Variants in NFIB observed in about 807,000 individuals in gnomAD.
NFIB encodes nuclear factor I B.
A neutral mutation model predicts 61.5 loss-of-function variants in NFIB; 11 were observed. The observed-to-expected ratio is 0.18, with a 90% CI of 0.11 to 0.30. The LOEUF is 0.30. Among genes scored for constraint, NFIB ranks in the 10% least tolerant of loss-of-function variants. The probability of loss-of-function intolerance (pLI) is 1.00; values close to 1 mark genes in which losing one functional copy is unlikely to be tolerated. For missense variants in NFIB, 471 were observed against 608.9 expected (o/e 0.77, Z 2.38); for synonymous variants, 260 against 216.5 (o/e 1.20, Z -1.76).
intron 2 of NFIB, among the ~76,000 whole-genome samples, chr9:14,202,661 C>G (rs189938487): frequency 6.6e-6 from 1 of 152,230 alleles, no homozygotes; most frequent in East Asian, 1.9e-4. Flanking sequence ...TTCTACGTTT[C>G]TTGTCTTTTA....
chr9:14,311,426 C>CT (rs1472731473), intron 1 of NFIB, among the ~76,000 whole-genome samples: 1 of 152,160 alleles, frequency 6.6e-6, no homozygotes, highest in Non-Finnish European at 1.5e-5. Flanking sequence ...TGCAAAGTCA[C>CT]ATGGAGCTTA....
At chr9:14,133,386 G>C (rs1285812816) in intron 6 of NFIB, among the ~76,000 whole-genome samples, 1 of 152,162 alleles carries the variant, frequency 6.6e-6, no homozygotes, top group African/African-American at 2.4e-5. Context: ...ATGTTGGGTG[G>C]AAGCTGGAAG....
At chr9:14,421,676 G>A in the NFIB span, among the ~76,000 whole-genome samples, 12 of 152,158 alleles carry the variant, frequency 7.9e-5, no homozygotes, top group African/African-American at 2.2e-4. Context: ...GATACATTTC[G>A]ACAAAGCAAA....
At chr9:14,529,892 T>C in the NFIB span, among the ~76,000 whole-genome samples, 127 of 152,306 alleles carry the variant, frequency 8.3e-4, 1 homozygote, top group Non-Finnish European at 4.3e-4. Context: ...CCACAATTTC[T>C]AAAAACGAAC....
chr9:14,369,129 T>G (rs2061331560), intron 1 of NFIB, among the ~76,000 whole-genome samples: 1 of 152,132 alleles, frequency 6.6e-6, no homozygotes, highest in South Asian at 2.1e-4. Context: ...GACCCCAGAA[T>G]AATGTCTGCC....
intron 1 of NFIB, among the ~76,000 whole-genome samples, chr9:14,322,762 C>G (rs2060693531): frequency 6.6e-6 from 1 of 151,890 alleles, no homozygotes; most frequent in Non-Finnish European, 1.5e-5. Context: ...CGGCCTGCGC[C>G]GCGCGGCGCC....
chr9:14,213,626 G>T (rs935260724), intron 2 of NFIB, among the ~76,000 whole-genome samples: 2 of 152,206 alleles, frequency 1.3e-5, no homozygotes, highest in African/African-American at 2.4e-5. Flanking sequence ...TTCAGAAAAT[G>T]AAAGTCTGAT....
At chr9:14,472,282 A>G in the NFIB span, among the ~76,000 whole-genome samples, 2 of 152,208 alleles carry the variant, frequency 1.3e-5, no homozygotes, top group African/African-American at 4.8e-5. Context: ...GTTATGGACG[A>G]AAGTGTATTG....
the NFIB span, among the ~76,000 whole-genome samples, chr9:14,523,467 T>G: frequency 6.6e-6 from 1 of 152,042 alleles, no homozygotes; most frequent in Non-Finnish European, 1.5e-5. Context: ...GCCTCTGAAC[T>G]CTCACCCAAA....
At position 14,323,452 on chromosome 9, in the gene NFIB, A is replaced by G. The variant is rs28639865; in HGVS notation, c.109-15932T>C. ...GTTATGTCGGGAAATAATGTTTAAC[A>G]GTTTAAATTGTTATACAAGTATTAA... On this transcript the variant is annotated intron_variant, in intron 1 of 8. Coordinates refer to the NFIB transcript ENST00000380934. Among the ~76,000 whole-genome samples, 327 of 152,322 alleles carry G rather than the reference A, an allele frequency of 2.1e-3. 2 individuals carry two copies. The highest frequency in any genetic ancestry group is 7.7e-3 in the African/African-American group (320 of 41,578).
chr9:14,243,716 A>G (rs1053309770), intron 2 of NFIB, among the ~76,000 whole-genome samples: 2 of 152,086 alleles, frequency 1.3e-5, no homozygotes, highest in African/African-American at 4.8e-5. Context: ...AGTTCGTCCT[A>G]AGAAATCCCA....
chr9:14,257,906 C>A (rs1029303408), intron 2 of NFIB, among the ~76,000 whole-genome samples: 12 of 151,618 alleles, frequency 7.9e-5, no homozygotes, highest in African/African-American at 2.9e-4. Context: ...TTTTTTTTAA[C>A]GGACAAGGTT....
intron 3 of NFIB, among the ~76,000 whole-genome samples, chr9:14,159,063 A>G (rs1191737269): frequency 6.6e-6 from 1 of 152,202 alleles, no homozygotes; most frequent in Non-Finnish European, 1.5e-5. Flanking sequence ...CTAAGTCATG[A>G]CCATTAAGAT....
At chr9:14,401,541 T>A (rs1313045828), upstream of NFIB, among the ~76,000 whole-genome samples, 1 of 152,222 alleles carries the variant, frequency 6.6e-6, no homozygotes. Context: ...TATAAATAGT[T>A]ACTCAACAAG....
chr9:14,119,629 T>C (rs2038659631), intron 8 of NFIB, among the ~76,000 whole-genome samples: 1 of 152,194 alleles, frequency 6.6e-6, no homozygotes, highest in African/African-American at 2.4e-5. Context: ...GTATAATAAG[T>C]GGACAGGAGT....
At chr9:14,393,742 C>A (rs1436881218) in intron 1 of NFIB, among the ~76,000 whole-genome samples, 1 of 152,136 alleles carries the variant, frequency 6.6e-6, no homozygotes, top group Non-Finnish European at 1.5e-5. Context: ...TCTGCAGAGA[C>A]CATTTCCAAG....
chr9:14,083,400 G>T lies in NFIB; in HGVS notation c.*4909C>A, dbSNP rs1331061943. On this transcript the variant is annotated 3_prime_UTR_variant, in exon 11 of 11. Coordinates refer to ENST00000380953, the MANE Select transcript of NFIB (RefSeq NM_001190737.2). The stretch of plus-strand genomic sequence containing the variant: ...ACCAGAAAGTGCAAAATATGAAGAA[G>T]GCAGCTTTCAGCTCCTTCAGCATGG... The T allele has an allele frequency of 4.6e-6, 1 of 218,508 alleles. No homozygotes were observed. The highest frequency in any genetic ancestry group is 9.1e-6 in the Non-Finnish European group (1 of 109,818). The allele number at this position is 218,508 out of a possible 1,614,324, so 13.5% of individuals were successfully genotyped here. A position where few individuals can be genotyped will look rare whatever the true frequency, so the allele number is the denominator to read the frequency against.
At chr9:14,527,035 T>C in the NFIB span, among the ~76,000 whole-genome samples, 1 of 152,182 alleles carries the variant, frequency 6.6e-6, no homozygotes, top group Non-Finnish European at 1.5e-5. Context: ...AAATAAATCA[T>C]GGAAAATGAA....
At chr9:14,367,796 G>A (rs561271186) in intron 1 of NFIB, among the ~76,000 whole-genome samples, 15 of 152,210 alleles carry the variant, frequency 9.9e-5, no homozygotes, top group South Asian at 6.2e-4. Flanking sequence ...ACCAAACACC[G>A]CACGTTCTCA....
Sources: allele counts gnomAD v4.1 joint callset (sites outside exome capture counted in the v4.1 genomes callset), GRCh38; gene constraint gnomAD v4.1.1; transcripts MANE v1.5; gene names NCBI Gene and HGNC (gene_info 2026-07-23, HGNC 2026-07-21).